STK3: variants seen among roughly 807,000 people sequenced by gnomAD.
STK3 encodes the protein serine/threonine-protein kinase 3.
A neutral mutation model predicts 58.0 loss-of-function variants in STK3; 41 were observed. The observed-to-expected ratio is 0.71, with a 90% CI of 0.55 to 0.92. STK3 has a LOEUF of 0.92. Among genes scored for constraint, STK3 ranks in the 40% least tolerant of loss-of-function variants. The probability of loss-of-function intolerance (pLI) is 0.00; values close to 1 mark genes in which losing one functional copy is unlikely to be tolerated. For missense variants in STK3, 479 were observed against 602.7 expected, an observed-to-expected ratio of 0.79 and a Z score of 2.15; for synonymous variants, 170 against 191.0, an observed-to-expected ratio of 0.89 and a Z score of 0.91.
intron 3 of STK3, among the ~76,000 whole-genome samples, chr8:98,861,537 G>C (rs548176917): frequency 6.6e-6 from 1 of 151,462 alleles, no homozygotes; most frequent in African/African-American, 2.4e-5. Context: ...TAGTAGAGAC[G>C]GGGTTTCACA....
chr8:98,909,767 G>C (rs1401293175), intron 1 of STK3, among the ~76,000 whole-genome samples: 2 of 152,322 alleles, frequency 1.3e-5, no homozygotes, highest in Middle Eastern at 6.8e-3. Context: ...GTTGATAAAT[G>C]TTTGGGTTGT....
intron 7 of STK3, among the ~76,000 whole-genome samples, chr8:98,588,561 C>G (rs1490863731): frequency 6.6e-6 from 1 of 152,074 alleles, no homozygotes; most frequent in Non-Finnish European, 1.5e-5. Context: ...TTTGGTGAAT[C>G]TGACAATTAT....
chr8:98,578,194 T>C lies in STK3; in HGVS notation c.948+1470A>G, dbSNP rs1426161169. ...AATCTGAAACTAAATGTATCTATCA[T>C]CACACAGGAATCCAGGGTAGGAAAT... On this transcript the variant is annotated intron_variant, in intron 8 of 10. Coordinates refer to ENST00000419617, the MANE Select transcript of STK3 (RefSeq NM_006281.4). Among the ~76,000 whole-genome samples, 8 of 152,268 alleles carry C rather than the reference T, an allele frequency of 5.3e-5. No homozygotes were observed. In the East Asian group the frequency reaches 1.5e-3, roughly 29 times the overall value.
intron 3 of STK3, among the ~76,000 whole-genome samples, chr8:98,840,632 C>A (rs1165132444): frequency 7.6e-6 from 1 of 131,690 alleles, no homozygotes; most frequent in Non-Finnish European, 1.6e-5. Flanking sequence ...TATATATACA[C>A]ACACATACGT....
intron 1 of STK3, among the ~76,000 whole-genome samples, chr8:98,795,653 C>G (rs1335685667): frequency 6.6e-6 from 1 of 152,142 alleles, no homozygotes; most frequent in Non-Finnish European, 1.5e-5. Context: ...TGAAAGGCTC[C>G]ACCAAAGGCT....
chr8:98,547,824 C>T, intron 9 of STK3, 145 bp downstream of exon 9: 2 of 600,776 alleles, frequency 3.3e-6, no homozygotes, highest in Non-Finnish European at 5.0e-6. Flanking sequence ...GTGACTTGTG[C>T]CATACTCTTT....
intron 6 of STK3, among the ~76,000 whole-genome samples, chr8:98,676,455 A>G (rs1415253172): frequency 6.6e-6 from 1 of 152,182 alleles, no homozygotes; most frequent in Non-Finnish European, 1.5e-5. Flanking sequence ...TCTACTACAT[A>G]TACAAAAATT....
At chr8:98,748,380 T>C (rs1321059967) in intron 4 of STK3, among the ~76,000 whole-genome samples, 1 of 152,146 alleles carries the variant, frequency 6.6e-6, no homozygotes, top group Non-Finnish European at 1.5e-5. Context: ...CAACTTCTGT[T>C]TCACTTCCCT....
chr8:98,511,370 A>G (rs1824504472), intron 10 of STK3, among the ~76,000 whole-genome samples: 1 of 152,026 alleles, frequency 6.6e-6, no homozygotes, highest in South Asian at 2.1e-4. Flanking sequence ...ATTTGCATCT[A>G]TTAAGGATTA....
At chr8:98,647,149 T>G (rs968961317) in intron 6 of STK3, among the ~76,000 whole-genome samples, 23 of 152,242 alleles carry the variant, frequency 1.5e-4, no homozygotes, top group African/African-American at 5.5e-4. Context: ...ACAAAAGGGC[T>G]TTCCATTGAC....
At chr8:98,411,794 G>C (rs1818060149) in intron 3 of STK3, among the ~76,000 whole-genome samples, 1 of 152,212 alleles carries the variant, frequency 6.6e-6, no homozygotes, top group South Asian at 2.1e-4. Context: ...GGTGTACTAA[G>C]TCCCAGGCTG....
chr8:98,633,445 G>C (rs139098261), intron 6 of STK3: 1 of 513,648 alleles, frequency 1.9e-6, no homozygotes, highest in African/African-American at 1.9e-5. Context: ...TGAGACTGCA[G>C]ATTATTAAAT....
intron 1 of STK3, among the ~76,000 whole-genome samples, chr8:98,902,908 T>C (rs1328215626): frequency 6.6e-6 from 1 of 152,216 alleles, no homozygotes; most frequent in Non-Finnish European, 1.5e-5. Context: ...AATTGACAAC[T>C]AGAACAGTGT....
chr8:98,627,292 T>G (rs973464339), intron 6 of STK3, among the ~76,000 whole-genome samples: 3 of 151,966 alleles, frequency 2.0e-5, no homozygotes, highest in Non-Finnish European at 4.4e-5. Context: ...GACAGGTGTA[T>G]CACTTGAGGT....
At chr8:98,671,426 A>T (rs1372978921) in intron 6 of STK3, among the ~76,000 whole-genome samples, 1 of 152,176 alleles carries the variant, frequency 6.6e-6, no homozygotes, top group African/African-American at 2.4e-5. Context: ...CAACAAAGAA[A>T]CTAGCAACTT....
At position 98,704,827 on chromosome 8, in the gene STK3, A is replaced by G. The variant is rs371717645; in HGVS notation, c.684+1640T>C. Among the ~76,000 whole-genome samples, 76 of 152,296 alleles carry G rather than the reference A, an allele frequency of 5.0e-4. 1 individual carries two copies. Among genetic ancestry groups the G allele is most frequent in the African/African-American group, 1.5e-3 (63 of 41,566 alleles). ...TACACAGGGAAGAAGCAGAATAGTA[A>G]TAATGGAAGTCCTAAGTTAAATCCC... On this transcript the variant is annotated intron_variant, in intron 6 of 10. Coordinates refer to ENST00000419617, the MANE Select transcript of STK3 (RefSeq NM_006281.4).
At chr8:98,699,933 CTG>C (rs1825398215) in intron 6 of STK3, among the ~76,000 whole-genome samples, 1 of 152,212 alleles carries the variant, frequency 6.6e-6, no homozygotes, top group Non-Finnish European at 1.5e-5. Flanking sequence ...GAGGTTACTG[CTG>C]TCTTTTTGTT....
chr8:98,493,251 C>T (rs1302913612), intron 10 of STK3, among the ~76,000 whole-genome samples: 3 of 147,314 alleles, frequency 2.0e-5, no homozygotes, highest in Admixed American at 1.4e-4. Context: ...AAAAAAAAAT[C>T]ATCAAGCGTT....
intron 1 of STK3, among the ~76,000 whole-genome samples, chr8:98,791,737 T>TA (rs1483649195): frequency 1.3e-5 from 2 of 152,178 alleles, no homozygotes; most frequent in Admixed American, 6.5e-5. Flanking sequence ...ATTCAACAAA[T>TA]GGTGCTAGGA....
Sources: gnomAD v4.1 joint callset for allele counts (sites outside exome capture counted in the v4.1 genomes callset) on GRCh38, gnomAD v4.1.1 for gene constraint, MANE v1.5 for transcripts, NCBI Gene and HGNC (gene_info 2026-07-23, HGNC 2026-07-21) for gene names.